Variants in EPYC observed in about 807,000 individuals in gnomAD.
The protein encoded by EPYC is epiphycan.
EPYC carries 28 observed loss-of-function variants against 30.1 expected under a neutral mutation model. The ratio of observed to expected loss-of-function variants is 0.93; its 90% confidence interval spans 0.69 to 1.28. The LOEUF is 1.28. Among genes scored for constraint, EPYC ranks in the 50% most tolerant of loss-of-function variants. The pLI is 0.00. For synonymous variants in EPYC, 144 were observed against 141.4 expected (o/e 1.02, Z -0.13); for missense variants, 382 against 383.5 (o/e 1.00, Z 0.03).
At chr12:90,997,887 T>C (rs1303126784) in intron 2 of EPYC, among the ~76,000 whole-genome samples, 2 of 152,184 alleles carry the variant, frequency 1.3e-5, no homozygotes, top group South Asian at 2.1e-4. Flanking sequence ...TGGCATTCAG[T>C]TCAACTAAAA....
At chr12:90,993,543 T>G (rs1393360379) in intron 2 of EPYC, among the ~76,000 whole-genome samples, 1 of 152,102 alleles carries the variant, frequency 6.6e-6, no homozygotes, top group Non-Finnish European at 1.5e-5. Flanking sequence ...CCTTTACTAT[T>G]TTCATGAATC....
At chr12:90,972,721 C>T in intron 4 of EPYC, 101 bp downstream of exon 4, 1 of 1,030,216 alleles carries the variant, frequency 9.7e-7, no homozygotes, top group Non-Finnish European at 1.4e-6. Context: ...ATGAACCAGG[C>T]TTTGGCATTC....
chr12:90,964,546 C>T lies in EPYC; in HGVS notation c.799-220G>A, dbSNP rs368777602. Among the ~76,000 whole-genome samples, 13 of 152,062 alleles carry T rather than the reference C, an allele frequency of 8.5e-5. No individual in the cohort carries two copies. In the East Asian group the frequency reaches 1.9e-3, roughly 23 times the overall value. ...AGCTTATACTTCAGTAAGAGAAATA[C>T]AATTTGAGGTGAGAAAACTACTGAA... is the stretch of plus-strand genomic sequence containing the variant. On this transcript the variant is annotated intron_variant, in intron 6 of 6. Coordinates refer to ENST00000261172, the MANE Select transcript of EPYC (RefSeq NM_004950.5).
intron 6 of EPYC, among the ~76,000 whole-genome samples, chr12:90,965,032 C>T (rs1876860601): frequency 6.6e-6 from 1 of 152,284 alleles, no homozygotes; most frequent in Admixed American, 6.5e-5. Context: ...CCCCTCCTCC[C>T]ACCCCAGCAA....
intron 2 of EPYC, among the ~76,000 whole-genome samples, chr12:90,988,139 T>C (rs117625728): frequency 0.027 from 4,183 of 152,218 alleles, 85 homozygotes; most frequent in Middle Eastern, 0.048. Context: ...ACAAGGCATA[T>C]TTTAGTGTAG....
intron 6 of EPYC, among the ~76,000 whole-genome samples, chr12:90,968,805 G>A (rs1051224477): frequency 5.3e-5 from 8 of 151,830 alleles, no homozygotes; most frequent in African/African-American, 1.9e-4. Flanking sequence ...AAATCTCTAA[G>A]TACTCCCTTG....
At chr12:90,971,750 A>T (rs1289872848) in intron 5 of EPYC, 50 bp downstream of exon 5, 2 of 1,027,118 alleles carry the variant, frequency 1.9e-6, no homozygotes, top group Admixed American at 5.5e-5. Flanking sequence ...AGTCAATGAC[A>T]GCAAATAAAA....
rs758118677 is a variant in EPYC at position 90,970,120 on chromosome 12, T to C, written c.722A>G (p.His241Arg). 2.5e-6 allele frequency: 4 copies of C among 1,613,538 alleles called. No homozygotes were observed. Among genetic ancestry groups the C allele is most frequent in the Non-Finnish European group, 1.7e-6 (2 of 1,179,504 alleles). ...CAAGTTGTTATCAGTGAGGTACAGATGATGGAGATCATACATGTCCTGTAA... is the reference window on the plus strand; with the variant it reads ...CAAGTTGTTATCAGTGAGGTACAGACGATGGAGATCATACATGTCCTGTAA... ...EAFKDMYDLH[H>R]LYLTDNNLDH... The change falls in exon 6 of 7, where the codon CAT (histidine) becomes CGT (arginine). Residue 241 changes from histidine to arginine, a missense_variant. His to Arg is a conservative substitution (Grantham distance 29). Coordinates refer to ENST00000261172, the MANE Select transcript of EPYC (RefSeq NM_004950.5).
intron 2 of EPYC, among the ~76,000 whole-genome samples, chr12:90,978,576 A>T (rs1178564396): frequency 7.2e-5 from 11 of 151,972 alleles, no homozygotes; most frequent in African/African-American, 1.9e-4. Flanking sequence ...TTGTTTTCTA[A>T]TAATAAGTAG....
At chr12:90,978,298 C>T in intron 2 of EPYC, 36 bp from the exon 3 acceptor site, 1 of 1,558,394 alleles carries the variant, frequency 6.4e-7, no homozygotes, top group East Asian at 2.3e-5. Context: ...TTCTTCAGGC[C>T]AACTTCTCAG....
chr12:90,971,052 T>G (rs955676660), intron 5 of EPYC, among the ~76,000 whole-genome samples: 8 of 152,332 alleles, frequency 5.3e-5, no homozygotes, highest in African/African-American at 1.9e-4. Flanking sequence ...GAATCCATCC[T>G]CTTTATAAGG....
intron 2 of EPYC, among the ~76,000 whole-genome samples, chr12:90,982,734 A>G (rs1877350097): frequency 6.6e-6 from 1 of 152,078 alleles, no homozygotes; most frequent in Non-Finnish European, 1.5e-5. Flanking sequence ...CTGAGATCAT[A>G]TGGTATTTAT....
At chr12:90,986,162 G>A (rs887479203) in intron 2 of EPYC, among the ~76,000 whole-genome samples, 16 of 151,956 alleles carry the variant, frequency 1.1e-4, no homozygotes, top group Admixed American at 2.0e-4. Context: ...CCTGCTTGAG[G>A]AAGGAATCAA....
intron 2 of EPYC, among the ~76,000 whole-genome samples, chr12:91,001,973 G>A (rs1431315201): frequency 6.6e-6 from 1 of 151,850 alleles, no homozygotes; most frequent in Admixed American, 6.6e-5. Context: ...TGCATCACGA[G>A]GTCAAGAGAT....
intron 5 of EPYC, among the ~76,000 whole-genome samples, chr12:90,971,270 G>A (rs145106534): frequency 6.6e-6 from 1 of 152,144 alleles, no homozygotes; most frequent in Non-Finnish European, 1.5e-5. Context: ...TTCTGTTTTT[G>A]GTACTTGATC....
chr12:90,966,620 A>T (rs1254901670), intron 6 of EPYC, among the ~76,000 whole-genome samples: 2 of 152,094 alleles, frequency 1.3e-5, no homozygotes, highest in Admixed American at 6.6e-5. Context: ...TTTGTCGAGT[A>T]CTGTTATTGG....
intron 2 of EPYC, among the ~76,000 whole-genome samples, chr12:90,981,763 A>G (rs1380919657): frequency 1.3e-5 from 2 of 152,144 alleles, no homozygotes; most frequent in Non-Finnish European, 2.9e-5. Flanking sequence ...TTTCTTGTTG[A>G]ACATGTTAAT....
chr12:90,995,633 A>T, intron 2 of EPYC, among the ~76,000 whole-genome samples: 1 of 151,878 alleles, frequency 6.6e-6, no homozygotes, highest in East Asian at 1.9e-4. Context: ...TAGTTATTTG[A>T]GTTATCTTAT....
chr12:90,995,415 T>C (rs1877674240), intron 2 of EPYC, among the ~76,000 whole-genome samples: 1 of 152,062 alleles, frequency 6.6e-6, no homozygotes, highest in Admixed American at 6.6e-5. Flanking sequence ...AAAAGAAACC[T>C]CAATATTGGA....
Sources: gnomAD v4.1 joint callset for allele counts (sites outside exome capture counted in the v4.1 genomes callset) on GRCh38, gnomAD v4.1.1 for gene constraint, MANE v1.5 for transcripts, NCBI Gene and HGNC (gene_info 2026-07-23, HGNC 2026-07-21) for gene names.